PTPA: variants seen among roughly 807,000 people sequenced by gnomAD.
PTPA encodes the protein serine/threonine-protein phosphatase 2A activator.
A neutral mutation model predicts 43.6 loss-of-function variants in PTPA; 13 were observed. The ratio of observed to expected loss-of-function variants is 0.30; its 90% confidence interval spans 0.19 to 0.47. PTPA has a LOEUF of 0.47. Among genes scored for constraint, PTPA ranks in the 20% least tolerant of loss-of-function variants. The probability of loss-of-function intolerance (pLI) is 0.99; values close to 1 mark genes in which losing one functional copy is unlikely to be tolerated. For missense variants in PTPA, 329 were observed against 411.9 expected, an observed-to-expected ratio of 0.80 and a Z score of 1.74; for synonymous variants, 172 against 158.2, an observed-to-expected ratio of 1.09 and a Z score of -0.66.
intron 8 of PTPA, among the ~76,000 whole-genome samples, chr9:129,138,528 C>A (rs143086398): frequency 3.5e-4 from 53 of 152,264 alleles, no homozygotes; most frequent in African/African-American, 1.3e-3. Flanking sequence ...CATCCCCATG[C>A]CCCAGTTTCC....
Position 129,136,504 on chromosome 9 carries a change from A to T in PTPA, c.594A>T (p.Thr198=). The T allele has an allele frequency of 1.2e-6, 2 of 1,613,882 alleles. No homozygotes were observed. Among genetic ancestry groups the T allele is most frequent in the Non-Finnish European group, 1.7e-6 (2 of 1,179,842 alleles). Reference sequence around the variant, plus strand: ...AGGTTATGCGGAAACTCCAGAAAACATACAGGATGGAGCCAGCCGGCAGCC... The same window carrying T: ...AGGTTATGCGGAAACTCCAGAAAACTTACAGGATGGAGCCAGCCGGCAGCC... ...YLEVMRKLQK[T]YRMEPAGSQG... The change falls in exon 7 of 10, where the codon ACA becomes ACT. Residue 198 remains threonine, a synonymous_variant. Coordinates refer to ENST00000393370, the MANE Select transcript of PTPA (RefSeq NM_178000.3).
chr9:129,117,331 G>A (rs138675952), intron 1 of PTPA, among the ~76,000 whole-genome samples: 2,181 of 152,294 alleles, frequency 0.014, 85 homozygotes, highest in East Asian at 0.079. Flanking sequence ...ATAGGCGGGA[G>A]GCACTGTGCC....
chr9:129,133,245 G>C (rs1188116306), intron 5 of PTPA, among the ~76,000 whole-genome samples: 1 of 152,250 alleles, frequency 6.6e-6, no homozygotes, highest in Non-Finnish European at 1.5e-5. Flanking sequence ...TGATCCACAG[G>C]AGGGAGCCCC....
chr9:129,141,482 GA>G (rs1335683083), intron 8 of PTPA, among the ~76,000 whole-genome samples: 1 of 151,692 alleles, frequency 6.6e-6, no homozygotes, highest in African/African-American at 2.4e-5. Flanking sequence ...TGCTGCCTAT[GA>G]GCTGGGGGGC....
intron 8 of PTPA, chr9:129,139,359 G>C (rs573999529): frequency 6.6e-6 from 1 of 152,390 alleles, no homozygotes; most frequent in African/African-American, 2.4e-5. Context: ...GAGAGGGTTT[G>C]GTGACATTTA....
At chr9:129,131,809 C>T (rs953645671) in intron 5 of PTPA, among the ~76,000 whole-genome samples, 170 bp downstream of exon 5, 4 of 152,150 alleles carry the variant, frequency 2.6e-5, no homozygotes, top group Non-Finnish European at 4.4e-5. Flanking sequence ...GCAGGGAGGG[C>T]GTAGGCATGC....
intron 6 of PTPA, 44 bp from the exon 7 acceptor site, chr9:129,136,427 T>C: frequency 6.3e-7 from 1 of 1,580,120 alleles, no homozygotes; most frequent in South Asian, 1.2e-5. Flanking sequence ...TGAGACTGTC[T>C]TTTTACTTTT....
chr9:129,143,481 T>A (rs905770629), intron 9 of PTPA: 2 of 701,882 alleles, frequency 2.8e-6, no homozygotes, highest in African/African-American at 3.5e-5. Context: ...CAGGTCTTCA[T>A]TGGACCCAGA....
At position 129,131,705 on chromosome 9, in the gene PTPA, G is replaced by A. The variant is rs1849983296; in HGVS notation, c.460+66G>A. The A allele has an allele frequency of 2.0e-6, 3 of 1,467,624 alleles. No individual in the cohort carries two copies. The Admixed American group carries it at 5.1e-5, about 25-fold the overall frequency. 90.9% of individuals were successfully genotyped at this position (1,467,624 alleles called of 1,614,324 possible). The stretch of plus-strand genomic sequence containing the variant: ...CTGCTTTCTGTTTTGGGCTTCAGGT[G>A]GTCTCTGGGCCCTCTGAGCAAGTGA... On this transcript the variant is annotated intron_variant, in intron 5 of 9. Coordinates refer to ENST00000393370, the MANE Select transcript of PTPA (RefSeq NM_178000.3).
At chr9:129,125,973 C>A (rs1849549932) in intron 3 of PTPA, among the ~76,000 whole-genome samples, 1 of 151,820 alleles carries the variant, frequency 6.6e-6, no homozygotes, top group Non-Finnish European at 1.5e-5. Flanking sequence ...ATGGTGGAAC[C>A]CCGTCTCTAC....
At chr9:129,142,657 C>G in intron 9 of PTPA, 105 bp downstream of exon 9, 2 of 1,556,554 alleles carry the variant, frequency 1.3e-6, no homozygotes, top group Non-Finnish European at 1.7e-6. Flanking sequence ...TCCTCCTACC[C>G]CACTGTTTTG....
At chr9:129,125,141 G>C (rs1443045109) in intron 3 of PTPA, among the ~76,000 whole-genome samples, 5 of 152,184 alleles carry the variant, frequency 3.3e-5, no homozygotes, top group Non-Finnish European at 7.4e-5. Context: ...AGTGGGCCAG[G>C]AATGTCGTGG....
intron 2 of PTPA, among the ~76,000 whole-genome samples, chr9:129,121,897 T>C (rs1849270176): frequency 6.6e-6 from 1 of 152,208 alleles, no homozygotes; most frequent in African/African-American, 2.4e-5. Context: ...CCTGGCCTGC[T>C]GGGGGTCATC....
chr9:129,113,800 T>G (rs1409768583), intron 1 of PTPA, among the ~76,000 whole-genome samples: 1 of 151,972 alleles, frequency 6.6e-6, no homozygotes, highest in Non-Finnish European at 1.5e-5. Context: ...GAAAAAGTTC[T>G]GGTAAGGACA....
chr9:129,142,412 CTG>C, intron 8 of PTPA, 31 bp from the exon 9 acceptor site: 1 of 1,540,136 alleles, frequency 6.5e-7, no homozygotes, highest in East Asian at 2.3e-5. Flanking sequence ...CAGCCAGAAC[CTG>C]TCTCTTCAGC....
At position 129,111,609 on chromosome 9, in the gene PTPA, G is replaced by T; in HGVS notation, c.9G>T (p.Glu3Asp). The stretch of plus-strand genomic sequence containing the variant: ...CTCCTGGCCGGAGCAAGATGGCTGA[G>T]GGCGAGCGGCAGCCGCCGCCAGGTA... MAEGERQPPPDSS... is the reference protein window; with the variant it reads MADGERQPPPDSS... Residue 3 changes from glutamate to aspartate, a missense_variant, in exon 1 of 10, where the codon GAG becomes GAT. By Grantham distance (45) the Glu-to-Asp change is conservative. Transcript: ENST00000393370. 1 of 1,280,042 alleles carries T rather than the reference G, an allele frequency of 7.8e-7. No individual in the cohort carries two copies. 79.3% of individuals were successfully genotyped at this position (1,280,042 alleles called of 1,614,324 possible).
chr9:129,143,131 G>A, intron 9 of PTPA: 1 of 612,140 alleles, frequency 1.6e-6, no homozygotes, highest in Non-Finnish European at 2.9e-6. Flanking sequence ...AGCTCCCCCT[G>A]CTGGCAGGCA....
At chr9:129,111,780 C>A in intron 1 of PTPA, 149 bp downstream of exon 1, 1 of 1,227,506 alleles carries the variant, frequency 8.1e-7, no homozygotes, top group Admixed American at 4.3e-5. Context: ...GTTGAATGGC[C>A]TTAGGGGAGA....
chr9:129,142,871 C>CAA (rs1452782839), intron 9 of PTPA: 1 of 1,515,968 alleles, frequency 6.6e-7, no homozygotes, highest in South Asian at 1.2e-5. Flanking sequence ...ATCAAGTGGC[C>CAA]AAAGGCTCCT....
Sources: gnomAD v4.1 joint callset for allele counts (sites outside exome capture counted in the v4.1 genomes callset) on GRCh38, gnomAD v4.1.1 for gene constraint, MANE v1.5 for transcripts, NCBI Gene and HGNC (gene_info 2026-07-23, HGNC 2026-07-21) for gene names.